The following PRKAA2 variants were observed in gnomAD, a reference collection of about 807,000 sequenced individuals.
PRKAA2 encodes the protein protein kinase AMP-activated catalytic subunit alpha 2.
In PRKAA2, 40 loss-of-function variants were observed where a neutral mutation model predicts 56.3. The ratio of observed to expected loss-of-function variants is 0.71; its 90% confidence interval spans 0.55 to 0.92. The LOEUF (loss-of-function observed/expected upper bound fraction) is 0.92. Ranked by LOEUF, PRKAA2 falls within the 40% of genes least tolerant of loss-of-function variation. The pLI is 0.00. For synonymous variants in PRKAA2, 214 were observed against 234.2 expected (o/e 0.91, Z 0.79); for missense variants, 542 against 686.9 (o/e 0.79, Z 2.36).
intron 1 of PRKAA2, among the ~76,000 whole-genome samples, chr1:56,647,596 G>A (rs1569694541): frequency 6.6e-6 from 1 of 152,118 alleles, no homozygotes; most frequent in South Asian, 2.1e-4. Flanking sequence ...AGTTGAAGGA[G>A]TTTTCCTAAC....
chr1:56,647,851 GA>G (rs1006463619), intron 1 of PRKAA2, among the ~76,000 whole-genome samples: 1 of 151,564 alleles, frequency 6.6e-6, no homozygotes, highest in African/African-American at 2.4e-5. Flanking sequence ...CCAACATGGC[GA>G]AACCCCATGT....
At chr1:56,669,896 A>G (rs1049282448) in intron 1 of PRKAA2, among the ~76,000 whole-genome samples, 3 of 152,218 alleles carry the variant, frequency 2.0e-5, no homozygotes, top group Non-Finnish European at 2.9e-5. Context: ...GCCTTCTGGA[A>G]CAACATAAAT....
intron 1 of PRKAA2, among the ~76,000 whole-genome samples, chr1:56,664,223 C>T (rs7553387): frequency 0.026 from 4,017 of 152,256 alleles, 166 homozygotes; most frequent in African/African-American, 0.089. Flanking sequence ...ACCATACTTC[C>T]ATTAATGCTT....
Position 56,691,453 on chromosome 1 carries a change from G to A in PRKAA2, c.296G>A (p.Gly99Asp). 6.2e-7 allele frequency: 1 copy of A among 1,612,226 alleles called. No individual in the cohort carries two copies. ...ATGGTAATGGAATATGTGTCTGGAG[G>A]TGAATTATTTGACTACATCTGTAAG... is the stretch of plus-strand genomic sequence containing the variant. ...FFMVMEYVSGGELFDYICKHG... is the reference protein window; with the variant it reads ...FFMVMEYVSGDELFDYICKHG... Residue 99 changes from glycine (G) to aspartate (D), a missense_variant, in exon 3 of 9, where the codon GGT becomes GAT. By Grantham distance (94) the Gly-to-Asp change is moderately conservative. Coordinates refer to ENST00000371244, the MANE Select transcript of PRKAA2 (RefSeq NM_006252.4).
intron 2 of PRKAA2, among the ~76,000 whole-genome samples, chr1:56,683,492 AG>A (rs1160255057): frequency 6.6e-6 from 1 of 152,160 alleles, no homozygotes; most frequent in African/African-American, 2.4e-5. Context: ...AAAGCCAGAA[AG>A]GCAGGTTGTT....
At chr1:56,691,910 C>CAACCAA (rs933175225) in intron 3 of PRKAA2, among the ~76,000 whole-genome samples, 199 of 152,006 alleles carry the variant, frequency 1.3e-3, no homozygotes, top group African/African-American at 4.5e-3. Flanking sequence ...TGAGCTTTGA[C>CAACCAA]AAGCTTTTGG....
At chr1:56,689,917 C>G (rs1043848062) in intron 2 of PRKAA2, among the ~76,000 whole-genome samples, 1 of 151,576 alleles carries the variant, frequency 6.6e-6, no homozygotes, top group African/African-American at 2.4e-5. Context: ...CACACACACA[C>G]ACACACACAC....
At chr1:56,664,548 A>T (rs932922492) in intron 1 of PRKAA2, among the ~76,000 whole-genome samples, 1 of 151,866 alleles carries the variant, frequency 6.6e-6, no homozygotes, top group Admixed American at 6.6e-5. Flanking sequence ...CTTTTTTTAC[A>T]TGCATGTTTG....
At chr1:56,694,348 T>A (rs1170916688) in intron 5 of PRKAA2, among the ~76,000 whole-genome samples, 1 of 152,182 alleles carries the variant, frequency 6.6e-6, no homozygotes, top group East Asian at 1.9e-4. Flanking sequence ...TAAAAATGTT[T>A]ATACAGATTG....
At chr1:56,691,355 G>A in intron 2 of PRKAA2, 39 bp from the exon 3 acceptor site, 5 of 1,510,446 alleles carry the variant, frequency 3.3e-6, no homozygotes, top group South Asian at 2.3e-5. Flanking sequence ...TTTGGTTAAA[G>A]TAACATACTT....
chr1:56,692,054 A>G (rs1644231737), intron 3 of PRKAA2, among the ~76,000 whole-genome samples: 1 of 125,192 alleles, frequency 8.0e-6, no homozygotes, highest in African/African-American at 3.1e-5. Context: ...TTTTTTTGAG[A>G]CAGACTCTTG....
chr1:56,685,274 A>G (rs1644183066), intron 2 of PRKAA2, among the ~76,000 whole-genome samples: 1 of 152,250 alleles, frequency 6.6e-6, no homozygotes, highest in African/African-American at 2.4e-5. Context: ...TACACCTGAA[A>G]CAGTGACAGT....
intron 1 of PRKAA2, among the ~76,000 whole-genome samples, chr1:56,657,043 A>G (rs1195909359): frequency 6.6e-6 from 1 of 152,218 alleles, no homozygotes; most frequent in Non-Finnish European, 1.5e-5. Context: ...CCACAGATTC[A>G]GAAGCCCCCA....
intron 2 of PRKAA2, among the ~76,000 whole-genome samples, chr1:56,680,317 A>T (rs1644144084): frequency 6.6e-6 from 1 of 152,158 alleles, no homozygotes; most frequent in South Asian, 2.1e-4. Flanking sequence ...CACAAGACTG[A>T]AGTACTTAGG....
chr1:56,701,690 C>A (rs978845262), intron 6 of PRKAA2, among the ~76,000 whole-genome samples: 2 of 151,984 alleles, frequency 1.3e-5, no homozygotes, highest in Non-Finnish European at 2.9e-5. Context: ...AGGTCAGCGA[C>A]CATCCTGGCT....
chr1:56,697,867 T>C (rs932257300), intron 6 of PRKAA2, among the ~76,000 whole-genome samples: 2 of 152,010 alleles, frequency 1.3e-5, no homozygotes, highest in African/African-American at 4.8e-5. Flanking sequence ...CAGGTGTTTG[T>C]ATATTTATAT....
At chr1:56,645,554 C>T (rs920405213) in intron 1 of PRKAA2, 73 bp downstream of exon 1, 53 of 1,346,756 alleles carry the variant, frequency 3.9e-5, no homozygotes, top group Non-Finnish European at 4.9e-5. Context: ...GGCGGGAGCC[C>T]CGGGCCTCCG....
intron 1 of PRKAA2, among the ~76,000 whole-genome samples, chr1:56,667,028 C>T (rs1203457385): frequency 6.6e-6 from 1 of 152,154 alleles, no homozygotes; most frequent in Non-Finnish European, 1.5e-5. Flanking sequence ...GCTTGCCTTA[C>T]CTGTAATTAC....
At chr1:56,694,514 GT>G (rs1323015708) in intron 5 of PRKAA2, among the ~76,000 whole-genome samples, 1 of 152,120 alleles carries the variant, frequency 6.6e-6, no homozygotes, top group Non-Finnish European at 1.5e-5. Context: ...TACAATAAAG[GT>G]GATAGCTTAT....
Sources: allele counts gnomAD v4.1 joint callset (sites outside exome capture counted in the v4.1 genomes callset), GRCh38; gene constraint gnomAD v4.1.1; transcripts MANE v1.5; gene names NCBI Gene and HGNC (gene_info 2026-07-23, HGNC 2026-07-21).